TRAP1: variants seen among roughly 807,000 people sequenced by gnomAD.
TRAP1 encodes the protein TNF receptor associated protein 1.
Under a neutral mutation model 89.1 loss-of-function variants are expected in TRAP1, and 102 were observed. The observed-to-expected ratio is 1.15, with a 90% CI of 0.98 to 1.35. TRAP1 has a LOEUF of 1.35. Among genes scored for constraint, TRAP1 ranks in the 40% most tolerant of loss-of-function variants. The probability of loss-of-function intolerance (pLI) is 0.00; values close to 1 mark genes in which losing one functional copy is unlikely to be tolerated. For missense variants in TRAP1, 1,256 were observed against 945.3 expected (o/e 1.33, Z -4.31); for synonymous variants, 508 against 388.0 (o/e 1.31, Z -3.64).
At chr16:3,668,546 A>G (rs1441704611) in intron 11 of TRAP1, among the ~76,000 whole-genome samples, 1 of 152,186 alleles carries the variant, frequency 6.6e-6, no homozygotes, top group East Asian at 1.9e-4. Flanking sequence ...GAGGAAAAAC[A>G]TGTTCTTGGT....
chr16:3,715,684 A>G (rs2051589450), intron 1 of TRAP1, among the ~76,000 whole-genome samples: 1 of 152,046 alleles, frequency 6.6e-6, no homozygotes, highest in Admixed American at 6.6e-5. Context: ...ACGGTGACAC[A>G]CGCCTGCAAT....
chr16:3,675,225 T>TCCA, intron 8 of TRAP1, 99 bp downstream of exon 8: 1 of 1,202,268 alleles, frequency 8.3e-7, no homozygotes, highest in South Asian at 1.3e-5. Flanking sequence ...GCCCTGTGAC[T>TCCA]CTGGGCCGCA....
chr16:3,693,764 A>C (rs2051248401), intron 1 of TRAP1, among the ~76,000 whole-genome samples: 1 of 152,144 alleles, frequency 6.6e-6, no homozygotes, highest in Non-Finnish European at 1.5e-5. Flanking sequence ...AGGCCAAGGC[A>C]GGAGAATCGC....
intron 1 of TRAP1, among the ~76,000 whole-genome samples, chr16:3,701,876 C>T (rs1033627665): frequency 2.0e-5 from 3 of 152,172 alleles, no homozygotes; most frequent in African/African-American, 4.8e-5. Flanking sequence ...TTTGGTTAAT[C>T]AAACCATATT....
chr16:3,671,302 G>C (rs988183531), intron 11 of TRAP1, among the ~76,000 whole-genome samples: 1 of 152,230 alleles, frequency 6.6e-6, no homozygotes, highest in East Asian at 1.9e-4. Flanking sequence ...AAAAAAGCCA[G>C]TAAGCGAGGT....
intron 7 of TRAP1, 133 bp downstream of exon 7, chr16:3,675,900 CGCA>C: frequency 1.4e-6 from 1 of 733,552 alleles, no homozygotes; most frequent in Non-Finnish European, 2.2e-6. Flanking sequence ...CTCCCAGTCC[CGCA>C]GCGGCTCGGC....
chr16:3,715,906 A>G (rs1474577822), intron 1 of TRAP1, among the ~76,000 whole-genome samples: 3 of 152,256 alleles, frequency 2.0e-5, no homozygotes, highest in Non-Finnish European at 2.9e-5. Context: ...TCTGTCGCCC[A>G]GGCTGGAGTG....
chr16:3,704,971 T>A (rs1197007773), intron 1 of TRAP1, among the ~76,000 whole-genome samples: 1 of 152,226 alleles, frequency 6.6e-6, no homozygotes, highest in Non-Finnish European at 1.5e-5. Context: ...GTAACTTTAT[T>A]GAGATGTAAC....
At position 3,675,734 on chromosome 16, in the gene TRAP1, CG is replaced by C. The variant is rs1327380591; in HGVS notation, c.814+301del. On this transcript the variant is annotated intron_variant, in intron 7 of 17. Transcript: ENST00000246957. ...AGCAGGACACAAAGAGGGAAGGCCA[CG>C]CCCACATCCTGGGACAGGACTGCGC... is the stretch of plus-strand genomic sequence containing the variant. 1.5e-4 allele frequency among the ~76,000 whole-genome samples: 23 copies of C among 152,210 alleles called. 1 individual carries two copies. Among genetic ancestry groups the C allele is most frequent in the Admixed American group, 1.5e-3 (23 of 15,288 alleles).
intron 1 of TRAP1, among the ~76,000 whole-genome samples, chr16:3,708,914 C>A (rs915047547): frequency 6.7e-6 from 1 of 150,038 alleles, no homozygotes; most frequent in Non-Finnish European, 1.5e-5. Flanking sequence ...TTCCTGGGTT[C>A]ACGGCATTCT....
chr16:3,664,278 G>C lies in TRAP1; in HGVS notation c.1565C>G (p.Thr522Arg). 6.3e-7 allele frequency: 1 copy of C among 1,591,370 alleles called. No individual in the cohort carries two copies. The highest frequency in any genetic ancestry group is 8.5e-7 in the Non-Finnish European group (1 of 1,170,392). Reference protein sequence around the residue: ...PYYEAMKKKDTEVLFCFEQFD... With the variant: ...PYYEAMKKKDREVLFCFEQFD... Reference sequence around the variant, plus strand: ...CCCCACCCACCGCTCACCCACCTCTGTGTCTTTCTTCTTCATGGCCTCATA... The same window carrying C: ...CCCCACCCACCGCTCACCCACCTCTCTGTCTTTCTTCTTCATGGCCTCATA... The change falls in exon 13 of 18, where the codon ACA becomes AGA. Residue 522 changes from threonine (T) to arginine (R), a missense_variant. By Grantham distance (71) the Thr-to-Arg change is moderately conservative. Coordinates refer to ENST00000246957, the MANE Select transcript of TRAP1 (RefSeq NM_016292.3).
chr16:3,708,108 G>A (rs914692990), intron 1 of TRAP1, among the ~76,000 whole-genome samples: 1 of 152,084 alleles, frequency 6.6e-6, no homozygotes, highest in African/African-American at 2.4e-5. Flanking sequence ...TGAGGCAGGA[G>A]TATCACTTGA....
At position 3,664,442 on chromosome 16, in the gene TRAP1, C is replaced by A; in HGVS notation, c.1401G>T (p.Leu467=). The A allele has an allele frequency of 2.5e-6, 4 of 1,611,504 alleles. No individual in the cohort carries two copies. ...EQEVKEDIAK[L]LRYESSALPS... is the part of the protein sequence containing the mutation. ...GCAGCGCCGAGGACTCGTAGCGCAGCAGCTTTGCTATGTCCTCCTAGAAGG... is the reference window on the plus strand; with the variant it reads ...GCAGCGCCGAGGACTCGTAGCGCAGAAGCTTTGCTATGTCCTCCTAGAAGG... Residue 467 remains leucine (L), a synonymous_variant, in exon 13 of 18, where the codon CTG becomes CTT. Transcript: ENST00000246957.
chr16:3,699,518 C>G (rs752004523), intron 1 of TRAP1, among the ~76,000 whole-genome samples: 1 of 150,788 alleles, frequency 6.6e-6, no homozygotes, highest in African/African-American at 2.4e-5. Flanking sequence ...CCCCGCTACT[C>G]GGGAGGCTGA....
At chr16:3,692,247 A>G (rs533177811) in intron 1 of TRAP1, among the ~76,000 whole-genome samples, 1 of 152,316 alleles carries the variant, frequency 6.6e-6, no homozygotes, top group East Asian at 1.9e-4. Context: ...AAAAATCAGC[A>G]TATCAGCCAG....
chr16:3,675,200 T>C, intron 8 of TRAP1, 124 bp downstream of exon 8: 1 of 870,632 alleles, frequency 1.1e-6, no homozygotes, highest in Non-Finnish European at 1.8e-6. Flanking sequence ...AGGTCTCATC[T>C]CCACAGAGCA....
intron 13 of TRAP1, chr16:3,663,839 C>A (rs1021796748): frequency 4.5e-6 from 2 of 441,258 alleles, no homozygotes; most frequent in Non-Finnish European, 8.2e-6. Flanking sequence ...TTTGGGAGGC[C>A]AAAGCAGGCA....
At chr16:3,700,250 C>T (rs1441277883) in intron 1 of TRAP1, among the ~76,000 whole-genome samples, 1 of 151,856 alleles carries the variant, frequency 6.6e-6, no homozygotes, top group Non-Finnish European at 1.5e-5. Context: ...TCACCCCATC[C>T]TCCTCCTCCC....
chr16:3,687,863 C>CA (rs200270261), intron 3 of TRAP1, among the ~76,000 whole-genome samples: 32,413 of 111,506 alleles, frequency 0.29, 4,631 homozygotes, highest in African/African-American at 0.44. Flanking sequence ...ATTAAAAAAC[C>CA]AAAAAAAAAA....
Sources: allele counts gnomAD v4.1 joint callset (sites outside exome capture counted in the v4.1 genomes callset), GRCh38; gene constraint gnomAD v4.1.1; transcripts MANE v1.5; gene names NCBI Gene and HGNC (gene_info 2026-07-23, HGNC 2026-07-21).